SPPL3: variants seen among roughly 807,000 people sequenced by gnomAD.
SPPL3 encodes signal peptide peptidase like 3.
In SPPL3, 5 loss-of-function variants were observed where a neutral mutation model predicts 42.4. The observed-to-expected ratio is 0.12, with a 90% CI of 0.06 to 0.25. SPPL3 has a LOEUF of 0.25. Ranked by LOEUF, SPPL3 falls within the 10% of genes least tolerant of loss-of-function variation. The probability of loss-of-function intolerance (pLI) is 1.00; values close to 1 mark genes in which losing one functional copy is unlikely to be tolerated. For missense variants in SPPL3, 235 were observed against 489.0 expected (o/e 0.48, Z 4.90); for synonymous variants, 195 against 181.8 (o/e 1.07, Z -0.58).
rs143946946 is a variant in SPPL3, at chr12:120,879,433, T to C, written c.23+24412A>G. Among the ~76,000 whole-genome samples, 14 of 152,242 alleles carry C rather than the reference T, an allele frequency of 9.2e-5. No homozygotes were observed. In the East Asian group the frequency reaches 1.5e-3, roughly 17 times the overall value. ...AATAGAATGCAACTGTGAGTGGTACTTCCCAAAATAATGTTAAAGGAGAAC... is the reference window on the plus strand; with the variant it reads ...AATAGAATGCAACTGTGAGTGGTACCTCCCAAAATAATGTTAAAGGAGAAC... On this transcript the variant is annotated intron_variant, in intron 1 of 10. Transcript: ENST00000353487.
intron 3 of SPPL3, among the ~76,000 whole-genome samples, chr12:120,789,966 T>C (rs1016516505): frequency 4.6e-5 from 7 of 152,120 alleles, no homozygotes; most frequent in African/African-American, 1.4e-4. Context: ...TTTCTTTAGG[T>C]TTCTGTGATG....
intron 1 of SPPL3, among the ~76,000 whole-genome samples, chr12:120,869,458 T>A (rs1056815405): frequency 6.6e-6 from 1 of 152,258 alleles, no homozygotes; most frequent in Non-Finnish European, 1.5e-5. Context: ...TTATTCGCTG[T>A]AGCACTTTCC....
At chr12:120,829,994 C>CAAAAAAAAA (rs35847324) in intron 1 of SPPL3, among the ~76,000 whole-genome samples, 1 of 119,564 alleles carries the variant, frequency 8.4e-6, no homozygotes. Flanking sequence ...AACTCCATCT[C>CAAAAAAAAA]AAAAAAAAAA....
intron 3 of SPPL3, among the ~76,000 whole-genome samples, chr12:120,789,347 G>C (rs550939992): frequency 6.7e-6 from 1 of 148,746 alleles, no homozygotes; most frequent in Non-Finnish European, 1.5e-5. Context: ...CCAGCTACTC[G>C]GGAGGCAGAG....
At chr12:120,827,941 C>T (rs529257820) in intron 1 of SPPL3, among the ~76,000 whole-genome samples, 1 of 152,274 alleles carries the variant, frequency 6.6e-6, no homozygotes, top group Non-Finnish European at 1.5e-5. Context: ...GTGCACACCA[C>T]CACACCTAGC....
chr12:120,768,601 T>C, intron 7 of SPPL3, 113 bp from the exon 8 acceptor site: 1 of 1,205,196 alleles, frequency 8.3e-7, no homozygotes, highest in South Asian at 1.4e-5. Flanking sequence ...CTGCAATGCT[T>C]TCGTTGACTG....
chr12:120,853,581 G>C (rs1872334406), intron 1 of SPPL3, among the ~76,000 whole-genome samples: 1 of 152,120 alleles, frequency 6.6e-6, no homozygotes. Flanking sequence ...ACATGGAAAG[G>C]AAGTTTCAGC....
At chr12:120,864,955 T>C (rs924281787) in intron 1 of SPPL3, among the ~76,000 whole-genome samples, 1 of 152,220 alleles carries the variant, frequency 6.6e-6, no homozygotes, top group African/African-American at 2.4e-5. Flanking sequence ...GAGCACACTT[T>C]GGTGCCACTG....
intron 1 of SPPL3, among the ~76,000 whole-genome samples, chr12:120,901,007 A>C (rs1213615191): frequency 6.6e-6 from 1 of 152,092 alleles, no homozygotes; most frequent in Non-Finnish European, 1.5e-5. Context: ...GCAAAATGAC[A>C]GATAATCCAA....
intron 2 of SPPL3, among the ~76,000 whole-genome samples, chr12:120,797,851 C>T (rs1236014806): frequency 4.6e-5 from 7 of 152,146 alleles, no homozygotes; most frequent in Admixed American, 4.6e-4. Context: ...CTCAAAATTT[C>T]TTACTGGATT....
rs1367659704 is a variant in SPPL3 at position 120,764,806 on chromosome 12, A to C, written c.*193T>G. ...GGGCCCCACCTCTACATCCGCAGGA[A>C]GAGAAGGAACCAAACAGGGCTCCAG... On this transcript the variant is annotated 3_prime_UTR_variant, in exon 11 of 11. Coordinates refer to ENST00000353487, the MANE Select transcript of SPPL3 (RefSeq NM_139015.5). 5 of 581,730 alleles carry C rather than the reference A, an allele frequency of 8.6e-6. No homozygotes were observed. In the Admixed American group the frequency reaches 1.4e-4, roughly 16 times the overall value. 36.0% of individuals were successfully genotyped at this position (581,730 alleles called of 1,614,324 possible).
chr12:120,846,477 C>A (rs1002433174), intron 1 of SPPL3, among the ~76,000 whole-genome samples: 1 of 152,120 alleles, frequency 6.6e-6, no homozygotes, highest in Non-Finnish European at 1.5e-5. Context: ...TGCATAGCTG[C>A]TAGTATTTCC....
rs1324002974 is a variant in SPPL3, at chr12:120,879,094, CA to C, written c.23+24750del. 2.2e-4 allele frequency among the ~76,000 whole-genome samples: 11 copies of C among 49,700 alleles called. No homozygotes were observed. The Admixed American group carries it at 4.0e-3, about 18-fold the overall frequency. The allele number at this position is 49,700 out of a possible 152,430, so 32.6% of individuals were successfully genotyped here. A position where few individuals can be genotyped will look rare whatever the true frequency, so the allele number is the denominator to read the frequency against. On this transcript the variant is annotated intron_variant, in intron 1 of 10. Coordinates refer to ENST00000353487, the MANE Select transcript of SPPL3 (RefSeq NM_139015.5). The stretch of plus-strand genomic sequence containing the variant: ...CGCCATTGCACTCCAGCCTGGGCAA[CA>C]AGAGCAAAACTCTGTCTCAAAAAAA...
intron 2 of SPPL3, among the ~76,000 whole-genome samples, chr12:120,793,711 T>A (rs1289836820): frequency 6.7e-6 from 1 of 148,500 alleles, no homozygotes; most frequent in Non-Finnish European, 1.5e-5. Context: ...AAAAATAAAT[T>A]TGCTGTTTAA....
intron 1 of SPPL3, among the ~76,000 whole-genome samples, chr12:120,839,300 T>C (rs1407641682): frequency 6.6e-5 from 9 of 137,374 alleles, no homozygotes; most frequent in South Asian, 2.3e-4. Flanking sequence ...TAGATGGGAA[T>C]TGAACAATGA....
At chr12:120,781,426 G>C (rs1869533247) in intron 6 of SPPL3, among the ~76,000 whole-genome samples, 6 of 151,728 alleles carry the variant, frequency 4.0e-5, no homozygotes, top group Admixed American at 3.9e-4. Context: ...TATCATTAAA[G>C]TGTATGATGT....
chr12:120,792,416 G>C (rs1210257989), intron 2 of SPPL3, among the ~76,000 whole-genome samples: 1 of 152,036 alleles, frequency 6.6e-6, no homozygotes, highest in African/African-American at 2.4e-5. Context: ...TGTAAAGAAG[G>C]TGTTTGTGGG....
intron 2 of SPPL3, among the ~76,000 whole-genome samples, chr12:120,799,821 A>T (rs1870228459): frequency 6.6e-6 from 1 of 152,184 alleles, no homozygotes; most frequent in Admixed American, 6.5e-5. Flanking sequence ...ACAAGCTTAA[A>T]GGGCCTGGGC....
At chr12:120,783,050 T>A (rs1434386041) in intron 5 of SPPL3, among the ~76,000 whole-genome samples, 1 of 152,148 alleles carries the variant, frequency 6.6e-6, no homozygotes, top group Admixed American at 6.6e-5. Context: ...ATGGAGGAAA[T>A]TCTATTCTTA....
Sources: gnomAD v4.1 joint callset for allele counts (sites outside exome capture counted in the v4.1 genomes callset) on GRCh38, gnomAD v4.1.1 for gene constraint, MANE v1.5 for transcripts, NCBI Gene and HGNC (gene_info 2026-07-23, HGNC 2026-07-21) for gene names.